Variants in ZFPM1 observed in about 807,000 individuals in gnomAD.
The protein encoded by ZFPM1 is zinc finger protein ZFPM1.
ZFPM1 carries 28 observed loss-of-function variants against 46.3 expected under a neutral mutation model. The ratio of observed to expected loss-of-function variants is 0.60; its 90% CI spans 0.45 to 0.83. ZFPM1 has a LOEUF of 0.83. Ranked by LOEUF, ZFPM1 falls within the 40% of genes least tolerant of loss-of-function variation. The pLI is 0.00. For missense variants in ZFPM1, 1,878 were observed against 1,432.4 expected (o/e 1.31, Z -5.02); for synonymous variants, 957 against 675.9 (o/e 1.42, Z -6.45).
chr16:88,531,054 G>C (rs1212848614), intron 6 of ZFPM1: 2 of 152,222 alleles, frequency 1.3e-5, no homozygotes, highest in African/African-American at 4.8e-5. Context: ...GGAGAAGCCG[G>C]GTGAGAAACC....
At chr16:88,452,057 A>G (rs1418624792), upstream of ZFPM1, among the ~76,000 whole-genome samples, 1 of 152,158 alleles carries the variant, frequency 6.6e-6, no homozygotes, top group South Asian at 2.1e-4. Flanking sequence ...CTGCTGTGCG[A>G]TGATCTCATC....
At chr16:88,502,871 G>A (rs990305820) in intron 3 of ZFPM1, among the ~76,000 whole-genome samples, 8 of 150,664 alleles carry the variant, frequency 5.3e-5, no homozygotes, top group East Asian at 1.9e-4. Flanking sequence ...GTGGATGCCC[G>A]TTTGTGGGTC....
At chr16:88,529,965 G>A (rs1912656082) in intron 6 of ZFPM1, among the ~76,000 whole-genome samples, 1 of 152,168 alleles carries the variant, frequency 6.6e-6, no homozygotes, top group Admixed American at 6.5e-5. Context: ...TTGGGGGCAG[G>A]GGCTGGGCAA....
At chr16:88,503,772 C>G (rs1021899849) in intron 3 of ZFPM1, among the ~76,000 whole-genome samples, 1 of 152,208 alleles carries the variant, frequency 6.6e-6, no homozygotes, top group Non-Finnish European at 1.5e-5. Flanking sequence ...GGGCTCACCC[C>G]GGGGCACAGG....
rs1913183524 is a variant in ZFPM1 at position 88,535,068 on chromosome 16, G to C, written c.*89G>C. 1 of 1,333,974 alleles carries C rather than the reference G, an allele frequency of 7.5e-7. No individual in the cohort carries two copies. The highest frequency in any genetic ancestry group is 2.0e-5 in the South Asian group (1 of 50,620). 82.6% of individuals were successfully genotyped at this position (1,333,974 alleles called of 1,614,324 possible). ...CCAGGCCGCACGGACTGCCGCTCCT[G>C]GGAACCCCGCCACGCACAGGCCTCG... On this transcript the variant is annotated 3_prime_UTR_variant, in exon 10 of 10. Transcript: ENST00000319555.
At chr16:88,499,098 G>A (rs1055378001) in intron 3 of ZFPM1, among the ~76,000 whole-genome samples, 5 of 152,066 alleles carry the variant, frequency 3.3e-5, no homozygotes, top group Admixed American at 3.3e-4. Context: ...GCTCCCCAAC[G>A]GCCCCCGTGG....
intron 1 of ZFPM1, among the ~76,000 whole-genome samples, chr16:88,456,614 G>T (rs1196839908): frequency 6.6e-6 from 1 of 152,178 alleles, no homozygotes; most frequent in East Asian, 1.9e-4. Flanking sequence ...TCTTGGAAGG[G>T]GGTGACCTTT....
chr16:88,534,744 C>T lies in ZFPM1; in HGVS notation c.2786C>T (p.Pro929Leu). The T allele has an allele frequency of 6.0e-6, 6 of 998,736 alleles. No homozygotes were observed. Among genetic ancestry groups the T allele is most frequent in the Non-Finnish European group, 7.2e-6 (6 of 838,650 alleles). The allele number at this position is 998,736 out of a possible 1,614,324, so 61.9% of individuals were successfully genotyped here. A position where few individuals can be genotyped will look rare whatever the true frequency, so the allele number is the denominator to read the frequency against. Residue 929 changes from proline (P) to leucine (L), a missense_variant, in exon 10 of 10, where the codon CCG becomes CTG. Physicochemically the swap from Pro to Leu is moderately conservative, Grantham distance 98. Coordinates refer to ENST00000319555, the MANE Select transcript of ZFPM1 (RefSeq NM_153813.3). ...DGLGPEPQEP[P>L]PGPPPSPAAA... Reference sequence around the variant, plus strand: ...CTCGGCCCGGAGCCCCAGGAGCCGCCGCCCGGCCCGCCCCCGTCCCCGGCC... The same window carrying T: ...CTCGGCCCGGAGCCCCAGGAGCCGCTGCCCGGCCCGCCCCCGTCCCCGGCC...
chr16:88,516,447 G>GC (rs1232210808), intron 4 of ZFPM1: 5 of 398,012 alleles, frequency 1.3e-5, no homozygotes, highest in Non-Finnish European at 2.2e-5. Flanking sequence ...GGCCAGAGGA[G>GC]CCGCTGGGGC....
At chr16:88,452,660 G>T (rs1031607190), upstream of ZFPM1, among the ~76,000 whole-genome samples, 6 of 152,276 alleles carry the variant, frequency 3.9e-5, no homozygotes, top group African/African-American at 1.4e-4. Flanking sequence ...TTCCTGAGCC[G>T]GTTGTCACTG....
Position 88,514,426 on chromosome 16 carries a change from T to C in ZFPM1, c.308T>C (p.Ile103Thr), listed in dbSNP as rs1239610584. ...EPVVQDGQRRIRARLSLATGL... is the reference protein window; with the variant it reads ...EPVVQDGQRRTRARLSLATGL... ...GTGGTGCAGGATGGGCAGAGGCGCA[T>C]ACGGGCCCGACTCAGCCTCGCCACG... is the stretch of plus-strand genomic sequence containing the variant. Residue 103 changes from isoleucine to threonine, a missense_variant, in exon 4 of 10, where the codon ATA (isoleucine) becomes ACA (threonine). Ile to Thr is a moderately conservative substitution (Grantham distance 89). Coordinates refer to ENST00000319555, the MANE Select transcript of ZFPM1 (RefSeq NM_153813.3). 8.3e-6 allele frequency: 13 copies of C among 1,560,216 alleles called. No homozygotes were observed. Among genetic ancestry groups the C allele is most frequent in the Middle Eastern group, 3.3e-4 (2 of 5,992 alleles).
chr16:88,493,516 G>C (rs1909741000), intron 3 of ZFPM1, among the ~76,000 whole-genome samples: 1 of 146,346 alleles, frequency 6.8e-6, no homozygotes, highest in African/African-American at 2.6e-5. Context: ...GCTGTCCCAG[G>C]GTGCGGGGAG....
intron 3 of ZFPM1, among the ~76,000 whole-genome samples, chr16:88,498,279 G>T (rs559623544): frequency 6.6e-6 from 1 of 152,326 alleles, no homozygotes; most frequent in East Asian, 1.9e-4. Context: ...CCGAGGAGGG[G>T]CTGTGTGTCT....
At chr16:88,525,932 C>T (rs553297384) in intron 4 of ZFPM1, among the ~76,000 whole-genome samples, 1 of 152,376 alleles carries the variant, frequency 6.6e-6, no homozygotes, top group South Asian at 2.1e-4. Flanking sequence ...GCCTGAGCCA[C>T]CGCCGACAGC....
At chr16:88,519,614 G>A (rs1331469027) in intron 4 of ZFPM1, among the ~76,000 whole-genome samples, 1 of 146,724 alleles carries the variant, frequency 6.8e-6, no homozygotes, top group Non-Finnish European at 1.5e-5. Context: ...ATGGGAGAGT[G>A]GGTGGATGCA....
chr16:88,531,357 C>A (rs2093506240), intron 6 of ZFPM1, among the ~76,000 whole-genome samples: 1 of 152,226 alleles, frequency 6.6e-6, no homozygotes, highest in Non-Finnish European at 1.5e-5. Context: ...CCAAAACTCT[C>A]AACAGTTATA....
intron 3 of ZFPM1, among the ~76,000 whole-genome samples, chr16:88,496,238 A>G (rs1486150817): frequency 6.6e-6 from 1 of 152,072 alleles, no homozygotes; most frequent in Non-Finnish European, 1.5e-5. Context: ...GCCTGGGCAG[A>G]GGTGAGAGGC....
At chr16:88,502,934 G>A (rs1040318292) in intron 3 of ZFPM1, among the ~76,000 whole-genome samples, 2 of 152,216 alleles carry the variant, frequency 1.3e-5, no homozygotes, top group South Asian at 2.1e-4. Context: ...CAGAGCGCTC[G>A]CCACCCCCAC....
intron 1 of ZFPM1, among the ~76,000 whole-genome samples, chr16:88,467,722 G>A (rs1401781293): frequency 6.6e-6 from 1 of 152,116 alleles, no homozygotes; most frequent in Admixed American, 6.5e-5. Flanking sequence ...AAGCTGACCC[G>A]TGCCCTTTGT....
Sources: allele counts gnomAD v4.1 joint callset (sites outside exome capture counted in the v4.1 genomes callset), GRCh38; gene constraint gnomAD v4.1.1; transcripts MANE v1.5; gene names NCBI Gene and HGNC (gene_info 2026-07-23, HGNC 2026-07-21).